Variants in KCNQ5 observed in about 807,000 individuals in gnomAD.
The protein encoded by KCNQ5 is potassium voltage-gated channel subfamily Q member 5.
A neutral mutation model predicts 98.2 loss-of-function variants in KCNQ5; 30 were observed. That is an observed-to-expected ratio of 0.31 (90% confidence interval 0.23 to 0.41). The LOEUF (loss-of-function observed/expected upper bound fraction) is 0.41. Among genes scored for constraint, KCNQ5 ranks in the 10% least tolerant of loss-of-function variants. The pLI is 1.00. For synonymous variants in KCNQ5, 458 were observed against 449.4 expected, an observed-to-expected ratio of 1.02 and a Z score of -0.24; for missense variants, 835 against 1,182.5, an observed-to-expected ratio of 0.71 and a Z score of 4.31.
intron 1 of KCNQ5, among the ~76,000 whole-genome samples, chr6:72,797,006 C>T (rs960368493): frequency 1.3e-5 from 2 of 152,194 alleles, no homozygotes; most frequent in African/African-American, 4.8e-5. Flanking sequence ...TATGAACTCA[C>T]TGCCTTTACG....
intron 5 of KCNQ5, among the ~76,000 whole-genome samples, chr6:73,084,362 G>A (rs1362651730): frequency 6.6e-6 from 1 of 152,130 alleles, no homozygotes; most frequent in Non-Finnish European, 1.5e-5. Context: ...TTATTTATTT[G>A]TTTTTCTTTA....
intron 3 of KCNQ5, chr6:73,055,325 C>A: frequency 7.1e-7 from 1 of 1,417,824 alleles, no homozygotes. Flanking sequence ...GATGTAGCTG[C>A]CAATAGTGAG....
chr6:72,897,736 G>C (rs1455556628), intron 1 of KCNQ5, among the ~76,000 whole-genome samples: 1 of 152,182 alleles, frequency 6.6e-6, no homozygotes, highest in Non-Finnish European at 1.5e-5. Context: ...GGCTCCATTA[G>C]GACAGGCCCT....
At chr6:72,867,982 A>G (rs1778060226) in intron 1 of KCNQ5, among the ~76,000 whole-genome samples, 1 of 151,890 alleles carries the variant, frequency 6.6e-6, no homozygotes, top group Non-Finnish European at 1.5e-5. Flanking sequence ...AATAATAATA[A>G]TAATAATTGG....
intron 1 of KCNQ5, among the ~76,000 whole-genome samples, chr6:72,794,536 C>T (rs1280200855): frequency 3.9e-5 from 6 of 152,040 alleles, no homozygotes; most frequent in African/African-American, 4.8e-5. Context: ...AGGACCTTTC[C>T]GATACACAGA....
At chr6:72,650,599 A>G (rs1339239182) in intron 1 of KCNQ5, among the ~76,000 whole-genome samples, 7 of 152,180 alleles carry the variant, frequency 4.6e-5, no homozygotes, top group Non-Finnish European at 1.0e-4. Context: ...ACTATTTTAA[A>G]TGCATACCTT....
At chr6:73,095,449 G>C (rs1454418270) in intron 5 of KCNQ5, among the ~76,000 whole-genome samples, 1 of 152,068 alleles carries the variant, frequency 6.6e-6, no homozygotes, top group Admixed American at 6.5e-5. Context: ...TCTTGGTTTG[G>C]GTCCATTGCT....
chr6:73,080,359 C>G (rs1255933916), intron 5 of KCNQ5, among the ~76,000 whole-genome samples: 1 of 151,972 alleles, frequency 6.6e-6, no homozygotes, highest in East Asian at 1.9e-4. Flanking sequence ...TATAAGAGAT[C>G]AAACTTCGAA....
intron 3 of KCNQ5, among the ~76,000 whole-genome samples, chr6:73,074,948 A>T (rs1167748808): frequency 6.6e-6 from 1 of 152,186 alleles, no homozygotes; most frequent in Non-Finnish European, 1.5e-5. Flanking sequence ...AATGAAATAA[A>T]AGCAAAATGT....
intron 1 of KCNQ5, among the ~76,000 whole-genome samples, chr6:72,921,323 G>A (rs1322762141): frequency 6.6e-6 from 1 of 152,184 alleles, no homozygotes; most frequent in Admixed American, 6.5e-5. Context: ...TATGAAGAAA[G>A]ACACAGAAAT....
intron 3 of KCNQ5, among the ~76,000 whole-genome samples, chr6:73,053,457 T>C (rs1357163908): frequency 6.6e-6 from 1 of 152,172 alleles, no homozygotes; most frequent in African/African-American, 2.4e-5. Context: ...TCTTCTCATC[T>C]GCACATGGCC....
At chr6:72,666,938 C>T (rs2154473160) in intron 1 of KCNQ5, among the ~76,000 whole-genome samples, 1 of 152,110 alleles carries the variant, frequency 6.6e-6, no homozygotes, top group South Asian at 2.1e-4. Context: ...TATAGATATA[C>T]TACAATAAAC....
At chr6:73,132,504 C>A (rs1776278185) in intron 9 of KCNQ5, among the ~76,000 whole-genome samples, 1 of 152,194 alleles carries the variant, frequency 6.6e-6, no homozygotes, top group African/African-American at 2.4e-5. Flanking sequence ...GAGATGAGAA[C>A]CCTAGCCCCC....
chr6:72,663,347 T>C (rs1222042553), intron 1 of KCNQ5, among the ~76,000 whole-genome samples: 1 of 152,178 alleles, frequency 6.6e-6, no homozygotes, highest in Non-Finnish European at 1.5e-5. Flanking sequence ...ATGTAAAGCA[T>C]TAAATACTGC....
chr6:72,782,256 C>A (rs192623825), intron 1 of KCNQ5, among the ~76,000 whole-genome samples: 216 of 152,210 alleles, frequency 1.4e-3, no homozygotes, highest in African/African-American at 4.8e-3. Flanking sequence ...CTCTCTCTCT[C>A]TCTCTCTCTC....
In KCNQ5 at chr6:72,716,673, CTATT is replaced by C. The variant is rs762875460; in HGVS notation, c.398+94087_398+94090del. Among the ~76,000 whole-genome samples, 7 of 152,226 alleles carry C rather than the reference CTATT, an allele frequency of 4.6e-5. No homozygotes were observed. In the East Asian group the frequency reaches 1.4e-3, roughly 29 times the overall value. ...TATATAGTAGGTGTTTAATTACTAT[CTATT>C]AAGTGGATGTTGGATGTCAGACATG... On this transcript the variant is annotated intron_variant, in intron 1 of 13. Coordinates refer to ENST00000370398, the MANE Select transcript of KCNQ5 (RefSeq NM_019842.4).
intron 7 of KCNQ5, among the ~76,000 whole-genome samples, chr6:73,119,832 C>T (rs1775670726): frequency 6.6e-6 from 1 of 152,160 alleles, no homozygotes; most frequent in Non-Finnish European, 1.5e-5. Context: ...TAGCATTTAA[C>T]CAGTCAATCA....
chr6:72,860,688 T>C (rs1203811465), intron 1 of KCNQ5, among the ~76,000 whole-genome samples: 3 of 152,216 alleles, frequency 2.0e-5, no homozygotes, highest in Non-Finnish European at 4.4e-5. Context: ...TCTATTTTCC[T>C]TGTAAAAATC....
intron 1 of KCNQ5, among the ~76,000 whole-genome samples, chr6:72,669,910 C>CTT (rs541665177): frequency 6.6e-4 from 89 of 134,994 alleles, no homozygotes; most frequent in African/African-American, 7.4e-4. Context: ...ACTTTCTTTC[C>CTT]TTTTTTTTTT....
Sources: gnomAD v4.1 joint callset for allele counts (sites outside exome capture counted in the v4.1 genomes callset) on GRCh38, gnomAD v4.1.1 for gene constraint, MANE v1.5 for transcripts, NCBI Gene and HGNC (gene_info 2026-07-23, HGNC 2026-07-21) for gene names.